GRIN3A: variants seen among roughly 807,000 people sequenced by gnomAD.
The protein encoded by GRIN3A is glutamate ionotropic receptor NMDA type subunit 3A.
A neutral mutation model predicts 92.4 loss-of-function variants in GRIN3A; 47 were observed. That is an observed-to-expected ratio of 0.51 (90% CI 0.40 to 0.65). The LOEUF is 0.65. Among genes scored for constraint, GRIN3A ranks in the 30% least tolerant of loss-of-function variants. GRIN3A has a pLI of 0.00. For synonymous variants in GRIN3A, 527 were observed against 540.6 expected (o/e 0.97, Z 0.35); for missense variants, 1,324 against 1,393.1 (o/e 0.95, Z 0.79).
At chr9:101,634,436 T>TATAATA (rs920708727) in intron 3 of GRIN3A, among the ~76,000 whole-genome samples, 2 of 150,534 alleles carry the variant, frequency 1.3e-5, no homozygotes, top group African/African-American at 4.9e-5. Context: ...TATCTGAATA[T>TATAATA]ATAATAATAA....
At chr9:101,732,439 C>A (rs1176396416) in intron 1 of GRIN3A, among the ~76,000 whole-genome samples, 2 of 152,154 alleles carry the variant, frequency 1.3e-5, no homozygotes, top group Non-Finnish European at 2.9e-5. Context: ...ACTTAAGGCT[C>A]TAGAAGCTGT....
chr9:101,587,205 G>A (rs1359648587), intron 6 of GRIN3A, among the ~76,000 whole-genome samples: 1 of 151,812 alleles, frequency 6.6e-6, no homozygotes, highest in African/African-American at 2.4e-5. Flanking sequence ...AGCTACTCGG[G>A]AGGCTGAGGC....
intron 2 of GRIN3A, among the ~76,000 whole-genome samples, chr9:101,682,796 C>A (rs536602428): frequency 1.6e-4 from 24 of 152,230 alleles, no homozygotes; most frequent in African/African-American, 4.8e-4. Context: ...TCCTGGCTAA[C>A]ACGGTGAAAC....
chr9:101,715,212 A>AG (rs1306554145), intron 1 of GRIN3A, among the ~76,000 whole-genome samples: 2 of 151,460 alleles, frequency 1.3e-5, no homozygotes, highest in East Asian at 1.9e-4. Context: ...AAAAAAAAAA[A>AG]AAAAAAAGAA....
chr9:101,590,384 ATTTATTTATTTT>A lies in GRIN3A; in HGVS notation c.2767-11036_2767-11025del, dbSNP rs1413351951. 2.4e-4 allele frequency among the ~76,000 whole-genome samples: 30 copies of A among 123,878 alleles called. 1 individual carries two copies. Among genetic ancestry groups the A allele is most frequent in the African/African-American group, 8.5e-4 (26 of 30,596 alleles). 81.3% of individuals were successfully genotyped at this position (123,878 alleles called of 152,430 possible). On this transcript the variant is annotated intron_variant, in intron 6 of 8. Coordinates refer to ENST00000361820, the MANE Select transcript of GRIN3A (RefSeq NM_133445.3). ...TATTTATTTATTTATTTATTTATTT[ATTTATTTATTTT>A]TTTGAGATGGAATCTCGCTCTGTCA...
chr9:101,600,094 T>C (rs1329481124), intron 6 of GRIN3A, among the ~76,000 whole-genome samples: 1 of 152,204 alleles, frequency 6.6e-6, no homozygotes, highest in Non-Finnish European at 1.5e-5. Context: ...CAGAGTTACT[T>C]ATCTGAATCT....
At chr9:101,641,008 GA>G (rs952534760) in intron 3 of GRIN3A, among the ~76,000 whole-genome samples, 1 of 152,168 alleles carries the variant, frequency 6.6e-6, no homozygotes, top group African/African-American at 2.4e-5. Context: ...AGTGAAAACT[GA>G]AAGAGCAGAC....
chr9:101,669,550 A>G (rs1172921066), intron 3 of GRIN3A, among the ~76,000 whole-genome samples: 1 of 152,104 alleles, frequency 6.6e-6, no homozygotes, highest in Non-Finnish European at 1.5e-5. Context: ...CTTGTTCTAC[A>G]CTCAGTGAGT....
intron 4 of GRIN3A, among the ~76,000 whole-genome samples, chr9:101,625,539 C>T (rs1266880763): frequency 6.6e-6 from 1 of 152,150 alleles, no homozygotes; most frequent in Non-Finnish European, 1.5e-5. Flanking sequence ...CTTTCTTATC[C>T]TACTCTTCAA....
intron 2 of GRIN3A, among the ~76,000 whole-genome samples, chr9:101,678,815 T>C (rs1256636909): frequency 6.6e-6 from 1 of 152,224 alleles, no homozygotes; most frequent in Non-Finnish European, 1.5e-5. Flanking sequence ...CTTGCTTCCA[T>C]GTGTTGTAAC....
chr9:101,633,458 C>T (rs1224431963), intron 3 of GRIN3A, among the ~76,000 whole-genome samples: 1 of 152,160 alleles, frequency 6.6e-6, no homozygotes, highest in Non-Finnish European at 1.5e-5. Flanking sequence ...TCTAATCATC[C>T]ACTAATGTCT....
At chr9:101,713,710 A>G (rs1829908650) in intron 1 of GRIN3A, among the ~76,000 whole-genome samples, 1 of 152,168 alleles carries the variant, frequency 6.6e-6, no homozygotes, top group Non-Finnish European at 1.5e-5. Flanking sequence ...CAAGTAGCCT[A>G]TTGGTTGGTA....
intron 1 of GRIN3A, among the ~76,000 whole-genome samples, chr9:101,732,977 A>T (rs1197314878): frequency 6.6e-6 from 1 of 152,138 alleles, no homozygotes; most frequent in East Asian, 1.9e-4. Flanking sequence ...CCACTATTTC[A>T]TATGCGTTTC....
intron 4 of GRIN3A, among the ~76,000 whole-genome samples, chr9:101,623,947 G>T (rs1463332428): frequency 6.6e-6 from 1 of 152,224 alleles, no homozygotes; most frequent in African/African-American, 2.4e-5. Context: ...CATAGGCTGA[G>T]CTTCCACCTA....
intron 6 of GRIN3A, among the ~76,000 whole-genome samples, chr9:101,610,083 A>T (rs1588246839): frequency 6.6e-6 from 1 of 152,224 alleles, no homozygotes; most frequent in South Asian, 2.1e-4. Context: ...ACACCAAGTG[A>T]TTGTTATTTG....
chr9:101,677,128 T>G (rs1010101810), intron 2 of GRIN3A, among the ~76,000 whole-genome samples: 5 of 151,910 alleles, frequency 3.3e-5, no homozygotes, highest in Admixed American at 2.0e-4. Context: ...ACAATGTCCA[T>G]AGACCTCCAG....
intron 1 of GRIN3A, among the ~76,000 whole-genome samples, chr9:101,689,781 A>T (rs900807968): frequency 6.6e-6 from 1 of 150,974 alleles, no homozygotes; most frequent in African/African-American, 2.4e-5. Context: ...CACAAAGATT[A>T]TGAAAACTTA....
intron 6 of GRIN3A, among the ~76,000 whole-genome samples, chr9:101,580,692 G>A (rs1827876076): frequency 1.3e-5 from 2 of 152,090 alleles, no homozygotes; most frequent in Non-Finnish European, 2.9e-5. Context: ...GATATTTATT[G>A]GTTGCTTACT....
At chr9:101,675,673 T>A (rs889677381) in intron 2 of GRIN3A, among the ~76,000 whole-genome samples, 1 of 151,718 alleles carries the variant, frequency 6.6e-6, no homozygotes, top group Non-Finnish European at 1.5e-5. Context: ...AGGGGTTTTT[T>A]TTTTGTAATT....
Sources: allele counts gnomAD v4.1 joint callset (sites outside exome capture counted in the v4.1 genomes callset), GRCh38; gene constraint gnomAD v4.1.1; transcripts MANE v1.5; gene names NCBI Gene and HGNC (gene_info 2026-07-23, HGNC 2026-07-21).